Variants in SEMA4D observed in about 807,000 individuals in gnomAD.
SEMA4D encodes the protein semaphorin-4D.
In SEMA4D, 22 loss-of-function variants were observed where a neutral mutation model predicts 74.8. The ratio of observed to expected loss-of-function variants is 0.29; its 90% CI spans 0.21 to 0.42. SEMA4D has a LOEUF of 0.42. Ranked by LOEUF, SEMA4D falls within the 10% of genes least tolerant of loss-of-function variation. SEMA4D has a pLI of 1.00. For synonymous variants in SEMA4D, 445 were observed against 463.7 expected, an observed-to-expected ratio of 0.96 and a Z score of 0.52; for missense variants, 937 against 1,118.4, an observed-to-expected ratio of 0.84 and a Z score of 2.31.
At chr9:89,432,057 G>A (rs540683290) in intron 2 of SEMA4D, among the ~76,000 whole-genome samples, 1 of 152,060 alleles carries the variant, frequency 6.6e-6, no homozygotes, top group Admixed American at 6.6e-5. Context: ...CCCCAGGAGA[G>A]GCATATTTAC....
At chr9:89,471,912 G>A (rs1860424584) in intron 1 of SEMA4D, among the ~76,000 whole-genome samples, 1 of 150,698 alleles carries the variant, frequency 6.6e-6, no homozygotes, top group African/African-American at 2.4e-5. Context: ...TGGCTCAGGT[G>A]CATACAGGCT....
At chr9:89,424,224 T>G (rs1395053971) in intron 2 of SEMA4D, among the ~76,000 whole-genome samples, 1 of 152,160 alleles carries the variant, frequency 6.6e-6, no homozygotes, top group Non-Finnish European at 1.5e-5. Flanking sequence ...AAATGAGGAC[T>G]GTAAGGCATG....
intron 2 of SEMA4D, among the ~76,000 whole-genome samples, chr9:89,407,781 GGGCTC>G (rs1843626893): frequency 6.6e-6 from 1 of 152,186 alleles, no homozygotes; most frequent in African/African-American, 2.4e-5. Flanking sequence ...TGAACACACA[GGGCTC>G]GGCCCCTCTG....
chr9:89,365,210 G>A (rs2132269152), intron 16 of SEMA4D: 1 of 152,558 alleles, frequency 6.6e-6, no homozygotes, highest in South Asian at 2.1e-4. Context: ...AGTTGAGCTG[G>A]GAGGGCCAGG....
chr9:89,369,638 G>A (rs1288025372), intron 16 of SEMA4D: 3 of 152,266 alleles, frequency 2.0e-5, no homozygotes, highest in African/African-American at 7.2e-5. Context: ...GATGCGCTAT[G>A]TGCTGGCACA....
downstream of SEMA4D, among the ~76,000 whole-genome samples, chr9:89,373,624 T>G (rs1054436962): frequency 2.0e-5 from 3 of 152,206 alleles, no homozygotes; most frequent in African/African-American, 4.8e-5. Flanking sequence ...GCTAGCCCTT[T>G]AATCAGACAG....
intron 6 of SEMA4D, among the ~76,000 whole-genome samples, chr9:89,394,773 T>C (rs1285092316): frequency 6.6e-6 from 1 of 152,256 alleles, no homozygotes; most frequent in African/African-American, 2.4e-5. Flanking sequence ...TGAACCCCAC[T>C]GGATGTGACC....
At chr9:89,452,756 C>T (rs1336637219) in intron 2 of SEMA4D, among the ~76,000 whole-genome samples, 2 of 152,196 alleles carry the variant, frequency 1.3e-5, no homozygotes, top group African/African-American at 2.4e-5. Context: ...CCAGGTGTCC[C>T]GTCCTGTTAA....
Position 89,387,566 on chromosome 9 carries a change from A to G in SEMA4D, c.1150T>C (p.Leu384=), listed in dbSNP as rs751709003. Residue 384 remains leucine, a synonymous_variant, in exon 12 of 16, where the codon TTG becomes CTG. Transcript: ENST00000422704. The part of the protein sequence containing the change: ...EARAANYTSS[L]NLPDKTLQFV... ...TGCAGCGTCTTGTCTGGCAAATTCA[A>G]GGAGCTGGTGTAGTTGGCGGCCCGT... The G allele has an allele frequency of 9.3e-6, 15 of 1,614,226 alleles. No individual in the cohort carries two copies. In the Admixed American group the frequency reaches 2.5e-4, roughly 27 times the overall value.
At chr9:89,404,246 C>A (rs2133696919) in intron 3 of SEMA4D, among the ~76,000 whole-genome samples, 1 of 152,366 alleles carries the variant, frequency 6.6e-6, no homozygotes, top group Non-Finnish European at 1.5e-5. Context: ...TGATGCCTCA[C>A]TGTTCTTCTC....
At chr9:89,447,740 TCTCCTAC>T (rs1853307889) in intron 2 of SEMA4D, among the ~76,000 whole-genome samples, 5 of 49,348 alleles carry the variant, frequency 1.0e-4, no homozygotes, top group Non-Finnish European at 1.9e-4. Context: ...CACCACCTCC[TCTCCTAC>T]CCCTACCCTT....
At chr9:89,409,656 T>C (rs1324917648) in intron 2 of SEMA4D, among the ~76,000 whole-genome samples, 1 of 152,168 alleles carries the variant, frequency 6.6e-6, no homozygotes, top group African/African-American at 2.4e-5. Flanking sequence ...TGAGGGTTCA[T>C]GGCCTGGACA....
At chr9:89,431,870 C>T (rs1849343087) in intron 2 of SEMA4D, among the ~76,000 whole-genome samples, 1 of 152,210 alleles carries the variant, frequency 6.6e-6, no homozygotes, top group South Asian at 2.1e-4. Flanking sequence ...CACATTCCCG[C>T]CTCCTCAAGG....
intron 2 of SEMA4D, among the ~76,000 whole-genome samples, chr9:89,406,253 G>A (rs778263655): frequency 2.6e-5 from 4 of 152,084 alleles, no homozygotes; most frequent in Admixed American, 6.5e-5. Context: ...AGAAACACAC[G>A]CACGTGAGGC....
chr9:89,481,715 T>A (rs1824712149), intron 1 of SEMA4D, among the ~76,000 whole-genome samples: 1 of 152,094 alleles, frequency 6.6e-6, no homozygotes. Flanking sequence ...CGCACGAGGA[T>A]GTGCTGCAGA....
At chr9:89,430,185 C>T (rs993423464) in intron 2 of SEMA4D, among the ~76,000 whole-genome samples, 1 of 152,096 alleles carries the variant, frequency 6.6e-6, no homozygotes, top group Admixed American at 6.6e-5. Context: ...AGAACATACA[C>T]CACAAAATTT....
In SEMA4D at chr9:89,492,197, G is replaced by A. The variant is rs1199134411; in HGVS notation, c.-310+5722C>T. ...TTCAGCCCACCATCCCAGACCACAT[G>A]GATAAACCCCAGGTTGTCTTCGGTT... On this transcript the variant is annotated intron_variant, in intron 1 of 15. Transcript: ENST00000422704. The surrounding 1 kb of genome is among the most constrained non-coding windows in gnomAD (Gnocchi z 4.3). 6.6e-6 allele frequency among the ~76,000 whole-genome samples: 1 copy of A among 152,032 alleles called. No homozygotes were observed. The highest frequency in any genetic ancestry group is 6.5e-5 in the Admixed American group (1 of 15,274).
At chr9:89,429,532 C>T (rs890052296) in intron 2 of SEMA4D, among the ~76,000 whole-genome samples, 6 of 152,234 alleles carry the variant, frequency 3.9e-5, no homozygotes, top group Non-Finnish European at 8.8e-5. Flanking sequence ...GCATCAGAGA[C>T]AAACTCAGGT....
At chr9:89,469,857 A>T (rs1293136400) in intron 1 of SEMA4D, among the ~76,000 whole-genome samples, 2 of 152,242 alleles carry the variant, frequency 1.3e-5, no homozygotes, top group Non-Finnish European at 2.9e-5. Context: ...CAAGGCAAGG[A>T]TGTGCTCTCA....
Sources: allele counts gnomAD v4.1 joint callset (sites outside exome capture counted in the v4.1 genomes callset), GRCh38; gene constraint gnomAD v4.1.1; non-coding constraint Gnocchi (gnomAD v3.1); transcripts MANE v1.5; gene names NCBI Gene and HGNC (gene_info 2026-07-23, HGNC 2026-07-21).